DBP: variants seen among roughly 807,000 people sequenced by gnomAD.
DBP encodes D site-binding protein.
In DBP, 12 loss-of-function variants were observed where a neutral mutation model predicts 21.4. The observed-to-expected ratio is 0.56, with a 90% CI of 0.36 to 0.91. The LOEUF (loss-of-function observed/expected upper bound fraction) is 0.91. Among genes scored for constraint, DBP ranks in the 40% least tolerant of loss-of-function variants. The probability of loss-of-function intolerance (pLI) is 0.01; values close to 1 mark genes in which losing one functional copy is unlikely to be tolerated. For synonymous variants in DBP, 213 were observed against 224.9 expected (o/e 0.95, Z 0.47); for missense variants, 423 against 473.4 (o/e 0.89, Z 0.99).
chr19:48,636,677 C>T (rs2030815137), intron 1 of DBP, among the ~76,000 whole-genome samples, 179 bp downstream of exon 1: 1 of 151,830 alleles, frequency 6.6e-6, no homozygotes, highest in Non-Finnish European at 1.5e-5. Context: ...TCAGAGCCGG[C>T]GCTTTTGGGT....
chr19:48,633,503 GT>G lies in DBP; in HGVS notation c.702del (p.Glu234AspfsTer8). 6.2e-7 allele frequency: 1 copy of G among 1,614,168 alleles called. No individual in the cohort carries two copies. The highest frequency in any genetic ancestry group is 8.5e-7 in the Non-Finnish European group (1 of 1,180,030). The stretch of plus-strand genomic sequence containing the variant: ...TTCTTCATGATTGGCTGGGGCTTAA[GT>G]TCCTCTTCTGAGAAGCGATGTCTTC... The part of the protein sequence containing the change: ...DPRRHRFSEE[E>X]LKPQPIMKKA... On this transcript the variant is annotated frameshift_variant, in exon 3 of 4. Coordinates refer to ENST00000222122, the MANE Select transcript of DBP (RefSeq NM_001352.5). LOFTEE classifies it high-confidence loss of function.
chr19:48,634,682 G>A lies in DBP; in HGVS notation c.550+898C>T, dbSNP rs938754518. Reference sequence around the variant, plus strand: ...AGGCGCCTGCGCGAAGCGCGGAGGAGGGATGGGAGGACTCACGTGGCGCAG... The same window carrying A: ...AGGCGCCTGCGCGAAGCGCGGAGGAAGGATGGGAGGACTCACGTGGCGCAG... On this transcript the variant is annotated intron_variant, in intron 2 of 3. Coordinates refer to ENST00000222122, the MANE Select transcript of DBP (RefSeq NM_001352.5). 17 of 985,292 alleles carry A rather than the reference G, an allele frequency of 1.7e-5. No homozygotes were observed. In the African/African-American group the frequency reaches 2.6e-4, roughly 15 times the overall value. 61.0% of individuals were successfully genotyped at this position (985,292 alleles called of 1,614,324 possible). A position where few individuals can be genotyped will look rare whatever the true frequency, so the allele number is the denominator to read the frequency against.
chr19:48,630,103 T>C lies in DBP; in HGVS notation c.*734A>G. The C allele has an allele frequency of 2.4e-6, 3 of 1,262,932 alleles. No homozygotes were observed. The highest frequency in any genetic ancestry group is 3.0e-6 in the Non-Finnish European group (3 of 1,002,758). The allele number at this position is 1,262,932 out of a possible 1,614,324, so 78.2% of individuals were successfully genotyped here. Reference sequence around the variant, plus strand: ...CCAGGATGGCTGAGGGCGGAGTCTATTTTACGCGTCGCCCAATGACAGGAC... The same window carrying C: ...CCAGGATGGCTGAGGGCGGAGTCTACTTTACGCGTCGCCCAATGACAGGAC... On this transcript the variant is annotated 3_prime_UTR_variant, in exon 4 of 4. Coordinates refer to ENST00000222122, the MANE Select transcript of DBP (RefSeq NM_001352.5). The surrounding 1 kb of genome is among the most constrained non-coding windows in gnomAD (Gnocchi z 4.9).
rs1048933828 is a variant in DBP at position 48,637,226 on chromosome 19, C to A, written c.-232G>T. ...GTCCCGGGAGATCATGCAATCTGGG[C>A]GAGGGGGTGTCCAGATCAAGCGGTC... On this transcript the variant is annotated 5_prime_UTR_variant, in exon 1 of 4. Coordinates refer to ENST00000222122, the MANE Select transcript of DBP (RefSeq NM_001352.5). 49 of 419,878 alleles carry A rather than the reference C, an allele frequency of 1.2e-4. No homozygotes were observed. The highest frequency in any genetic ancestry group is 6.0e-4 in the Middle Eastern group (1 of 1,656). The allele number at this position is 419,878 out of a possible 1,614,324, so 26.0% of individuals were successfully genotyped here. A position where few individuals can be genotyped will look rare whatever the true frequency, so the allele number is the denominator to read the frequency against.
chr19:48,633,802 A>C, intron 2 of DBP, 147 bp from the exon 3 acceptor site: 1 of 686,290 alleles, frequency 1.5e-6, no homozygotes, highest in Non-Finnish European at 2.5e-6. Context: ...CCTAATATAA[A>C]ATATGAAGGT....
Position 48,633,633 on chromosome 19 carries a change from G to A in DBP, c.573C>T (p.Pro191=), listed in dbSNP as rs1396663353. ...HRAGLTSRDT[P]SPVDPDTVEV... is the part of the protein sequence containing the mutation. ...CCACGGTGTCTGGGTCCACAGGGCT[G>A]GGTGTGTCCCGAGAGGTCAGGCCTT... The change falls in exon 3 of 4, where the codon CCC becomes CCT. Residue 191 remains proline (P), a synonymous_variant. Coordinates refer to ENST00000222122, the MANE Select transcript of DBP (RefSeq NM_001352.5). The A allele has an allele frequency of 6.2e-7, 1 of 1,614,062 alleles. No individual in the cohort carries two copies. The highest frequency in any genetic ancestry group is 1.1e-5 in the South Asian group (1 of 91,076).
At position 48,635,615 on chromosome 19, in the gene DBP, CGGGCG is replaced by C. The variant is rs1018756855; in HGVS notation, c.510_514del (p.Ala171GlyfsTer34). 1 of 1,344,278 alleles carries C rather than the reference CGGGCG, an allele frequency of 7.4e-7. No homozygotes were observed. The highest frequency in any genetic ancestry group is 1.5e-5 in the African/African-American group (1 of 64,576). 83.3% of individuals were successfully genotyped at this position (1,344,278 alleles called of 1,614,324 possible). A position where few individuals can be genotyped will look rare whatever the true frequency, so the allele number is the denominator to read the frequency against. On this transcript the variant is annotated frameshift_variant, in exon 2 of 4. Transcript: ENST00000222122. LOFTEE classifies it high-confidence loss of function. ...GCCGCTGGCGGTCCCGAGGGCAGCC[CGGGCG>C]GGGGCGTGCCCAGGAGAGGAGCGGG...
At position 48,635,962 on chromosome 19, in the gene DBP, C is replaced by T. The variant is rs944014826; in HGVS notation, c.168G>A (p.Ala56=). The change falls in exon 2 of 4, where the codon GCG becomes GCA. Residue 56 remains alanine, a synonymous_variant. Transcript: ENST00000222122. ...CAGGGGTTGTGGCTGCAGGCAGGGC[C>T]GCCTTGCGCTCCTTTTCCTTCAGGA... ...SCLLKEKERK[A]ALPAATTPGP... 32 of 1,523,792 alleles carry T rather than the reference C, an allele frequency of 2.1e-5. No homozygotes were observed. The highest frequency in any genetic ancestry group is 2.7e-5 in the Non-Finnish European group (31 of 1,142,596). 94.4% of individuals were successfully genotyped at this position (1,523,792 alleles called of 1,614,324 possible). A position where few individuals can be genotyped will look rare whatever the true frequency, so the allele number is the denominator to read the frequency against.
chr19:48,630,485 G>C lies in DBP; in HGVS notation c.*352C>G, dbSNP rs1318543641. 2.0e-6 allele frequency: 3 copies of C among 1,508,134 alleles called. No individual in the cohort carries two copies. The highest frequency in any genetic ancestry group is 2.6e-6 in the Non-Finnish European group (3 of 1,135,146). The allele number at this position is 1,508,134 out of a possible 1,614,324, so 93.4% of individuals were successfully genotyped here. A position where few individuals can be genotyped will look rare whatever the true frequency, so the allele number is the denominator to read the frequency against. ...CTTCCAGCAGCGCCTGCCCTCTATGGACGACAGCCCGGAGCTGCCCACGGG... is the reference window on the plus strand; with the variant it reads ...CTTCCAGCAGCGCCTGCCCTCTATGCACGACAGCCCGGAGCTGCCCACGGG... On this transcript the variant is annotated 3_prime_UTR_variant, in exon 4 of 4. Coordinates refer to ENST00000222122, the MANE Select transcript of DBP (RefSeq NM_001352.5). This position sits in a 1 kb window ranked among gnomAD's most constrained non-coding sequence, Gnocchi z 4.9.
chr19:48,633,519 GC>G lies in DBP; in HGVS notation c.686del (p.Arg229ProfsTer13). On this transcript the variant is annotated frameshift_variant, in exon 3 of 4. Transcript: ENST00000222122. LOFTEE classifies it high-confidence loss of function. ...GHETFDPRRH[R>X]FSEEELKPQP... ...GGGGCTTAAGTTCCTCTTCTGAGAA[GC>G]GATGTCTTCGAGGGTCAAAGGTCTC... 1.2e-6 allele frequency: 2 copies of G among 1,614,216 alleles called. No individual in the cohort carries two copies. Among genetic ancestry groups the G allele is most frequent in the Non-Finnish European group, 1.7e-6 (2 of 1,180,038 alleles).
chr19:48,631,904 C>G (rs1377228332), intron 3 of DBP: 1 of 151,380 alleles, frequency 6.6e-6, no homozygotes, highest in Non-Finnish European at 1.5e-5. Context: ...TGGTGTAGAT[C>G]TGACTTCCAG....
intron 1 of DBP, among the ~76,000 whole-genome samples, chr19:48,636,642 C>T (rs1343606591): frequency 6.6e-6 from 1 of 152,092 alleles, no homozygotes; most frequent in Non-Finnish European, 1.5e-5. Flanking sequence ...GACGTTGGTG[C>T]CTGGGTCCTT....
intron 3 of DBP, chr19:48,631,438 G>A (rs191881593): frequency 1.6e-3 from 284 of 178,538 alleles, no homozygotes; most frequent in African/African-American, 6.4e-3. Context: ...TGCCTTTCCA[G>A]ATCCTGGTTG....
chr19:48,631,317 A>T, intron 3 of DBP: 1 of 502,510 alleles, frequency 2.0e-6, no homozygotes, highest in East Asian at 3.3e-5. Flanking sequence ...CACATGATAA[A>T]GGCCTGCATG....
intron 3 of DBP, chr19:48,631,900 A>G (rs1313441259): frequency 1.3e-5 from 2 of 152,162 alleles, no homozygotes; most frequent in African/African-American, 4.8e-5. Flanking sequence ...CCACTGGTGT[A>G]GATCTGACTT....
At chr19:48,633,212 G>C (rs2030660358) in intron 3 of DBP, 2 of 615,482 alleles carry the variant, frequency 3.2e-6, no homozygotes, top group Non-Finnish European at 5.8e-6. Context: ...CCCCTAAAAT[G>C]CTGGGATTAC....
chr19:48,633,665 A>G lies in DBP; in HGVS notation c.551-10T>C, dbSNP rs775106915. 1.9e-6 allele frequency: 3 copies of G among 1,612,292 alleles called. No individual in the cohort carries two copies. The highest frequency in any genetic ancestry group is 1.7e-5 in the Admixed American group (1 of 60,006). On this transcript the variant is annotated splice_polypyrimidine_tract_variant and intron_variant, in intron 2 of 3. Transcript: ENST00000222122. ...TCCCGAGAGGTCAGGCCTTGGGGAA[A>G]CAGCACGTGTCAGCTGAGTGTGTAT... is the stretch of plus-strand genomic sequence containing the variant.
chr19:48,633,879 C>T, intron 2 of DBP: 1 of 563,238 alleles, frequency 1.8e-6, no homozygotes. Context: ...GGCGGCGAAT[C>T]ACCTTTAGTC....
At chr19:48,633,166 T>G in intron 3 of DBP, 1 of 595,466 alleles carries the variant, frequency 1.7e-6, no homozygotes, top group Non-Finnish European at 3.0e-6. Flanking sequence ...AGGCTGGTCT[T>G]GAACTCCCGA....
Sources: allele counts gnomAD v4.1 joint callset (sites outside exome capture counted in the v4.1 genomes callset), GRCh38; gene constraint gnomAD v4.1.1; non-coding constraint Gnocchi (gnomAD v3.1); transcripts MANE v1.5; gene names NCBI Gene and HGNC (gene_info 2026-07-23, HGNC 2026-07-21).